CD44: variants seen among roughly 807,000 people sequenced by gnomAD.
CD44 encodes CD44 molecule (IN blood group), also known as CD44 antigen.
Under a neutral mutation model 88.8 loss-of-function variants are expected in CD44, and 49 were observed. That is an observed-to-expected ratio of 0.55 (90% CI 0.44 to 0.70). CD44 has a LOEUF of 0.70. CD44 is among the 30% of genes least tolerant of loss of function. CD44 has a pLI of 0.00. For synonymous variants in CD44, 325 were observed against 312.3 expected, an observed-to-expected ratio of 1.04 and a Z score of -0.43; for missense variants, 883 against 913.8, an observed-to-expected ratio of 0.97 and a Z score of 0.43.
At chr11:35,152,763 G>A (rs1860587997) in intron 1 of CD44, among the ~76,000 whole-genome samples, 1 of 152,102 alleles carries the variant, frequency 6.6e-6, no homozygotes, top group Non-Finnish European at 1.5e-5. Context: ...ATTGGCTCAG[G>A]CTTCTTGGTT....
intron 1 of CD44, among the ~76,000 whole-genome samples, chr11:35,145,312 T>C (rs947213216): frequency 3.3e-5 from 5 of 152,200 alleles, no homozygotes; most frequent in South Asian, 2.1e-4. Context: ...AAAGTCATGA[T>C]ATCTATATAT....
Position 35,163,168 on chromosome 11 carries a change from A to G in CD44, c.68-13407A>G, listed in dbSNP as rs561166082. 7.9e-5 allele frequency among the ~76,000 whole-genome samples: 12 copies of G among 152,264 alleles called. No individual in the cohort carries two copies. In the South Asian group the frequency reaches 2.5e-3, roughly 32 times the overall value. On this transcript the variant is annotated intron_variant, in intron 1 of 17. Coordinates refer to ENST00000428726, the MANE Select transcript of CD44 (RefSeq NM_000610.4). ...CATGAATCTTGTTCTGTTTTAATCC[A>G]CCTGTAAGTCAGTGGTGGTTGTAAG...
intron 15 of CD44, 40 bp downstream of exon 15, chr11:35,214,954 A>G: frequency 7.6e-7 from 1 of 1,320,678 alleles, no homozygotes; most frequent in Non-Finnish European, 1.0e-6. Context: ...TGTTATAATC[A>G]TTGAGCCTAA....
intron 1 of CD44, among the ~76,000 whole-genome samples, chr11:35,173,420 T>C (rs927243358): frequency 6.6e-6 from 1 of 152,254 alleles, no homozygotes; most frequent in African/African-American, 2.4e-5. Flanking sequence ...AAGGGCCTTA[T>C]GCATTTCCTT....
At chr11:35,165,999 T>TA (rs1048436283) in intron 1 of CD44, among the ~76,000 whole-genome samples, 1 of 152,150 alleles carries the variant, frequency 6.6e-6, no homozygotes, top group Admixed American at 6.5e-5. Context: ...AACTGTATAT[T>TA]GATTAGGTGA....
At chr11:35,163,154 T>C (rs1323045432) in intron 1 of CD44, among the ~76,000 whole-genome samples, 1 of 152,188 alleles carries the variant, frequency 6.6e-6, no homozygotes, top group Non-Finnish European at 1.5e-5. Context: ...ATGAATCTTG[T>C]TCTGTTTTAA....
chr11:35,203,690 C>A (rs933095227), intron 9 of CD44, among the ~76,000 whole-genome samples: 2 of 151,576 alleles, frequency 1.3e-5, no homozygotes, highest in African/African-American at 2.4e-5. Flanking sequence ...TTTATAGACT[C>A]TCATTTTCTT....
chr11:35,165,518 G>A (rs1012051979), intron 1 of CD44, among the ~76,000 whole-genome samples: 2 of 152,214 alleles, frequency 1.3e-5, no homozygotes, highest in African/African-American at 4.8e-5. Flanking sequence ...CTGCTACGTG[G>A]CAAGAATAGC....
In CD44 at chr11:35,229,498, C is replaced by T. The variant is rs927372216; in HGVS notation, c.*165C>T. 1 of 577,190 alleles carries T rather than the reference C, an allele frequency of 1.7e-6. No individual in the cohort carries two copies. Among genetic ancestry groups the T allele is most frequent in the Non-Finnish European group, 3.1e-6 (1 of 326,300 alleles). The allele number at this position is 577,190 out of a possible 1,614,324, so 35.8% of individuals were successfully genotyped here. ...TTTTTTGTGTTTTGTTCTTTAAAGTCAGGTCCAATTTGTAAAAACAGCATT... is the reference window on the plus strand; with the variant it reads ...TTTTTTGTGTTTTGTTCTTTAAAGTTAGGTCCAATTTGTAAAAACAGCATT... On this transcript the variant is annotated 3_prime_UTR_variant, in exon 18 of 18. Transcript: ENST00000428726.
chr11:35,169,494 C>G (rs891641760), intron 1 of CD44, among the ~76,000 whole-genome samples: 36 of 151,924 alleles, frequency 2.4e-4, no homozygotes, highest in African/African-American at 8.7e-4. Context: ...ATGTATTGAC[C>G]AGCTCCTGGA....
At chr11:35,159,262 C>A (rs550012352) in intron 1 of CD44, among the ~76,000 whole-genome samples, 2 of 152,182 alleles carry the variant, frequency 1.3e-5, no homozygotes, top group Non-Finnish European at 2.9e-5. Context: ...TTGCCTTTAG[C>A]TGCTTAGTTC....
chr11:35,222,069 T>G (rs529702372), intron 17 of CD44, among the ~76,000 whole-genome samples: 1 of 152,260 alleles, frequency 6.6e-6, no homozygotes, highest in Non-Finnish European at 1.5e-5. Flanking sequence ...TTAAACCTCA[T>G]GCAGACTCTG....
intron 1 of CD44, among the ~76,000 whole-genome samples, chr11:35,166,202 G>A (rs1943241379): frequency 6.6e-6 from 1 of 152,188 alleles, no homozygotes; most frequent in Admixed American, 6.5e-5. Flanking sequence ...AGAAAACAAA[G>A]ATCGTGAGGC....
chr11:35,182,821 C>A (rs1945286378), intron 3 of CD44, among the ~76,000 whole-genome samples: 2 of 152,166 alleles, frequency 1.3e-5, no homozygotes, highest in Admixed American at 1.3e-4. Flanking sequence ...TGAATGTATG[C>A]AATAAATTAT....
At chr11:35,168,882 A>G (rs1032898076) in intron 1 of CD44, among the ~76,000 whole-genome samples, 6 of 152,238 alleles carry the variant, frequency 3.9e-5, no homozygotes, top group African/African-American at 1.4e-4. Context: ...GTATGTGAAC[A>G]TACTGTCCTG....
rs558098365 is a variant in CD44, at chr11:35,160,802, G to T, written c.68-15773G>T. The stretch of plus-strand genomic sequence containing the variant: ...CACCATACTAAATGGCAGACACTGG[G>T]GACACAAAGATGAATAAGGCATGGT... On this transcript the variant is annotated intron_variant, in intron 1 of 17. Transcript: ENST00000428726. Among the ~76,000 whole-genome samples the T allele has an allele frequency of 2.0e-5, 3 of 152,258 alleles. No homozygotes were observed. In the East Asian group the frequency reaches 5.8e-4, roughly 29 times the overall value.
intron 15 of CD44, among the ~76,000 whole-genome samples, chr11:35,217,251 G>A (rs886658472): frequency 2.7e-5 from 4 of 148,852 alleles, no homozygotes; most frequent in African/African-American, 9.9e-5. Flanking sequence ...ATCTTTTCTT[G>A]CTGGGAGCAC....
At chr11:35,215,640 T>G (rs1948770527) in intron 15 of CD44, among the ~76,000 whole-genome samples, 1 of 152,026 alleles carries the variant, frequency 6.6e-6, no homozygotes, top group African/African-American at 2.4e-5. Flanking sequence ...TCCCAGCACT[T>G]TAGGAGGCCG....
intron 4 of CD44, 132 bp from the exon 5 acceptor site, chr11:35,189,703 T>C (rs1336977871): frequency 1.2e-5 from 8 of 670,176 alleles, no homozygotes; most frequent in Admixed American, 9.4e-5. Flanking sequence ...TCTGCCACTC[T>C]CTCCCACCAC....
Sources: allele counts gnomAD v4.1 joint callset (sites outside exome capture counted in the v4.1 genomes callset), GRCh38; gene constraint gnomAD v4.1.1; transcripts MANE v1.5; gene names NCBI Gene and HGNC (gene_info 2026-07-23, HGNC 2026-07-21).